IMMP2L: variants seen among roughly 807,000 people sequenced by gnomAD.
IMMP2L encodes the protein inner mitochondrial membrane peptidase subunit 2.
A neutral mutation model predicts 19.3 loss-of-function variants in IMMP2L; 18 were observed. The observed-to-expected ratio is 0.93, with a 90% confidence interval of 0.64 to 1.38. IMMP2L has a LOEUF of 1.38. IMMP2L is among the 40% of genes most tolerant of loss of function. The pLI, the probability that IMMP2L is intolerant of heterozygous loss-of-function variation, is 0.00. For missense variants in IMMP2L, 233 were observed against 218.2 expected (o/e 1.07, Z -0.43); for synonymous variants, 76 against 73.0 (o/e 1.04, Z -0.21).
intron 3 of IMMP2L, among the ~76,000 whole-genome samples, chr7:111,011,049 T>C (rs535307955): frequency 1.3e-5 from 2 of 151,908 alleles, no homozygotes; most frequent in South Asian, 2.1e-4. Context: ...CTGAGATCAG[T>C]AGATGAGAGT....
At chr7:111,091,406 G>T (rs1358671172) in intron 3 of IMMP2L, 1 of 152,030 alleles carries the variant, frequency 6.6e-6, no homozygotes, top group African/African-American at 2.4e-5. Flanking sequence ...TATTTATACC[G>T]GGCAAGAACA....
At chr7:111,329,298 A>G (rs115005615) in intron 3 of IMMP2L, among the ~76,000 whole-genome samples, 1,994 of 151,956 alleles carry the variant, frequency 0.013, 45 homozygotes, top group African/African-American at 0.046. Flanking sequence ...AGAAGAATTA[A>G]AACTACACAC....
chr7:111,518,457 G>A (rs1846058345), intron 2 of IMMP2L, among the ~76,000 whole-genome samples: 1 of 152,050 alleles, frequency 6.6e-6, no homozygotes, highest in Admixed American at 6.6e-5. Flanking sequence ...GCTTTTCCCA[G>A]AGTAAAGAAA....
chr7:111,308,258 T>G (rs568294559), intron 3 of IMMP2L, among the ~76,000 whole-genome samples: 1 of 152,014 alleles, frequency 6.6e-6, no homozygotes, highest in East Asian at 1.9e-4. Flanking sequence ...ACACCTTTCA[T>G]GAAAATATGA....
At chr7:111,515,608 A>T (rs1845811938) in intron 2 of IMMP2L, among the ~76,000 whole-genome samples, 6 of 152,114 alleles carry the variant, frequency 3.9e-5, no homozygotes, top group Admixed American at 3.9e-4. Flanking sequence ...CCTGCAAGTT[A>T]GTTACACATT....
intron 3 of IMMP2L, among the ~76,000 whole-genome samples, chr7:111,334,374 G>A (rs190296818): frequency 1.6e-4 from 24 of 151,912 alleles, no homozygotes; most frequent in Admixed American, 1.2e-3. Context: ...TTTCATCCAC[G>A]TTGCTGTACA....
At chr7:110,909,922 T>TAGAGAGAGAGAG (rs1563073817) in intron 4 of IMMP2L, among the ~76,000 whole-genome samples, 12 of 141,438 alleles carry the variant, frequency 8.5e-5, no homozygotes, top group African/African-American at 3.6e-4. Context: ...GAGAGAGAGA[T>TAGAGAGAGAGAG]AGACAGAGAG....
In IMMP2L at chr7:111,123,298, T is replaced by C. The variant is rs982110065; in HGVS notation, c.240-159733A>G. 2 of 1,613,844 alleles carry C rather than the reference T, an allele frequency of 1.2e-6. No individual in the cohort carries two copies. The highest frequency in any genetic ancestry group is 1.7e-6 in the Non-Finnish European group (2 of 1,179,924). On this transcript the variant is annotated intron_variant, in intron 3 of 5. Coordinates refer to ENST00000405709, the MANE Select transcript of IMMP2L (RefSeq NM_032549.4). The surrounding 1 kb of genome is among the most constrained non-coding windows in gnomAD (Gnocchi z 6.4). ...TCGACTTCATCTCAATTCAAATAGA[T>C]TGCAGATGATCAACAGTAAGTGGTT...
rs550201059 is a variant in IMMP2L at position 110,960,950 on chromosome 7, C to A, written c.305+2550G>T. On this transcript the variant is annotated intron_variant, in intron 4 of 5. Transcript: ENST00000405709. ...ATGGACAGATACTCAATATCACTAG[C>A]CTTCAGAGAAATGCAATTCAAAACC... Among the ~76,000 whole-genome samples the A allele has an allele frequency of 3.0e-4, 46 of 151,908 alleles. No individual in the cohort carries two copies. The South Asian group carries it at 9.5e-3, about 32-fold the overall frequency.
In IMMP2L at chr7:111,012,191, T is replaced by A. The variant is rs371124055; in HGVS notation, c.240-48626A>T. ...TGGCTATTTCAGGTAAAATTTGATA[T>A]GGCTAATTTTCATATGCACCATTTC... On this transcript the variant is annotated intron_variant, in intron 3 of 5. Coordinates refer to ENST00000405709, the MANE Select transcript of IMMP2L (RefSeq NM_032549.4). 9.8e-5 allele frequency among the ~76,000 whole-genome samples: 15 copies of A among 152,292 alleles called. No homozygotes were observed. In the East Asian group the frequency reaches 1.9e-3, roughly 20 times the overall value.
intron 3 of IMMP2L, among the ~76,000 whole-genome samples, chr7:111,022,967 C>T (rs185763219): frequency 3.3e-5 from 5 of 152,226 alleles, no homozygotes; most frequent in Admixed American, 2.6e-4. Flanking sequence ...AGCCATGAAC[C>T]GGACACAATA....
intron 5 of IMMP2L, among the ~76,000 whole-genome samples, chr7:110,883,670 T>C (rs879167423): frequency 6.6e-6 from 1 of 152,166 alleles, no homozygotes. Flanking sequence ...ATGTTTGCCT[T>C]GAAATGTATA....
chr7:111,285,942 G>T (rs531904519), intron 3 of IMMP2L, among the ~76,000 whole-genome samples: 1 of 152,266 alleles, frequency 6.6e-6, no homozygotes, highest in African/African-American at 2.4e-5. Context: ...TGGTAGGGGG[G>T]TTATGTATGA....
intron 3 of IMMP2L, among the ~76,000 whole-genome samples, chr7:111,043,198 T>C (rs184149913): frequency 3.3e-5 from 5 of 152,320 alleles, no homozygotes; most frequent in Admixed American, 2.0e-4. Context: ...TTTTAAAATA[T>C]GAAAAGAAAT....
chr7:111,033,723 A>C (rs951710417), intron 3 of IMMP2L, among the ~76,000 whole-genome samples: 1 of 152,252 alleles, frequency 6.6e-6, no homozygotes, highest in Non-Finnish European at 1.5e-5. Context: ...AGGAAGCTAC[A>C]TACTATGTAA....
chr7:111,022,796 T>G (rs1826419344), intron 3 of IMMP2L, among the ~76,000 whole-genome samples: 2 of 152,106 alleles, frequency 1.3e-5, no homozygotes, highest in Non-Finnish European at 2.9e-5. Flanking sequence ...ACCAACCCAC[T>G]GCATAACAGA....
At chr7:110,931,631 T>G (rs1383593709) in intron 4 of IMMP2L, among the ~76,000 whole-genome samples, 1 of 152,122 alleles carries the variant, frequency 6.6e-6, no homozygotes, top group Non-Finnish European at 1.5e-5. Context: ...GTCACCATCA[T>G]TGCTTCCCTG....
chr7:110,816,257 T>G (rs530771653), intron 5 of IMMP2L, among the ~76,000 whole-genome samples: 2 of 152,254 alleles, frequency 1.3e-5, no homozygotes, highest in South Asian at 4.1e-4. Flanking sequence ...TTGTTCAGTT[T>G]CCATGTAGTT....
chr7:111,017,890 A>C (rs957896268), intron 3 of IMMP2L, among the ~76,000 whole-genome samples: 6 of 152,238 alleles, frequency 3.9e-5, no homozygotes, highest in Non-Finnish European at 5.9e-5. Context: ...TAACTTTATA[A>C]AAATAAATCA....
Sources: allele counts gnomAD v4.1 joint callset (sites outside exome capture counted in the v4.1 genomes callset), GRCh38; gene constraint gnomAD v4.1.1; non-coding constraint Gnocchi (gnomAD v3.1); transcripts MANE v1.5; gene names NCBI Gene and HGNC (gene_info 2026-07-23, HGNC 2026-07-21).